Variants in ESR1 observed in about 807,000 individuals in gnomAD.
ESR1 encodes the protein estrogen receptor 1.
Under a neutral mutation model 52.7 loss-of-function variants are expected in ESR1, and 12 were observed. The ratio of observed to expected loss-of-function variants is 0.23; its 90% CI spans 0.15 to 0.37. The LOEUF (loss-of-function observed/expected upper bound fraction) is 0.37. ESR1 is among the 10% of genes least tolerant of loss of function. The pLI is 1.00. For missense variants in ESR1, 584 were observed against 779.7 expected, an observed-to-expected ratio of 0.75 and a Z score of 2.99; for synonymous variants, 305 against 316.8, an observed-to-expected ratio of 0.96 and a Z score of 0.39.
intron 5 of ESR1, among the ~76,000 whole-genome samples, chr6:152,029,474 A>G (rs2044473757): frequency 6.6e-6 from 1 of 152,246 alleles, no homozygotes; most frequent in Non-Finnish European, 1.5e-5. Flanking sequence ...CAACCAAGGC[A>G]CAAGAACTAT....
chr6:152,106,798 G>T (rs1467322859), downstream of ESR1, among the ~76,000 whole-genome samples: 2 of 152,044 alleles, frequency 1.3e-5, no homozygotes, highest in Non-Finnish European at 2.9e-5. Flanking sequence ...TAGAGATGAG[G>T]TCTCATTATG....
At chr6:151,911,720 G>T (rs1372805483) in intron 3 of ESR1, among the ~76,000 whole-genome samples, 1 of 152,154 alleles carries the variant, frequency 6.6e-6, no homozygotes, top group Non-Finnish European at 1.5e-5. Flanking sequence ...TCTGATTTTA[G>T]AAATGACCAT....
At chr6:151,829,426 T>C (rs946989431) in intron 1 of ESR1, among the ~76,000 whole-genome samples, 3 of 151,846 alleles carry the variant, frequency 2.0e-5, no homozygotes, top group Non-Finnish European at 4.4e-5. Context: ...AGAAAAGTGA[T>C]TTTTTTTGTG....
chr6:151,988,665 A>G (rs111978696), intron 4 of ESR1, among the ~76,000 whole-genome samples: 92 of 152,224 alleles, frequency 6.0e-4, no homozygotes, highest in African/African-American at 2.0e-3. Context: ...AATCTATACA[A>G]CAAACCCCCA....
chr6:151,657,919 T>C (rs1159804163), intron 1 of ESR1, among the ~76,000 whole-genome samples: 1 of 152,216 alleles, frequency 6.6e-6, no homozygotes, highest in African/African-American at 2.4e-5. Flanking sequence ...ACCAGAGTTG[T>C]TCACTCTTTT....
intron 2 of ESR1, among the ~76,000 whole-genome samples, chr6:151,770,823 C>G (rs7764438): frequency 0.012 from 1,832 of 151,920 alleles, 39 homozygotes; most frequent in African/African-American, 0.041. Context: ...AGAAATCTAC[C>G]TAATCTATCA....
At chr6:151,870,841 A>T (rs994052486) in intron 2 of ESR1, among the ~76,000 whole-genome samples, 2 of 150,890 alleles carry the variant, frequency 1.3e-5, no homozygotes, top group Non-Finnish European at 2.9e-5. Flanking sequence ...CTACATCTTC[A>T]GCTTCTTCTT....
intron 5 of ESR1, among the ~76,000 whole-genome samples, chr6:152,014,587 T>C (rs2043026344): frequency 6.6e-6 from 1 of 152,150 alleles, no homozygotes; most frequent in African/African-American, 2.4e-5. Flanking sequence ...CTAGAAGCTT[T>C]AAGTTACCCA....
At chr6:151,815,556 C>A (rs914064763) in intron 1 of ESR1, among the ~76,000 whole-genome samples, 2 of 152,146 alleles carry the variant, frequency 1.3e-5, no homozygotes, top group African/African-American at 2.4e-5. Context: ...AGGAAGGGAT[C>A]CTTAGATGCC....
In ESR1 at chr6:152,102,661, G is replaced by C; in HGVS notation, c.*3695G>C. 4.5e-6 allele frequency: 1 copy of C among 220,458 alleles called. No individual in the cohort carries two copies. The highest frequency in any genetic ancestry group is 2.2e-5 in the African/African-American group (1 of 44,686). The allele number at this position is 220,458 out of a possible 1,614,324, so 13.7% of individuals were successfully genotyped here. A position where few individuals can be genotyped will look rare whatever the true frequency, so the allele number is the denominator to read the frequency against. ...GCATTTCCTTTCCAATTGAATTAAA[G>C]TGTGGCCTCGTTTTTAGTCATTTAA... is the stretch of plus-strand genomic sequence containing the variant. On this transcript the variant is annotated 3_prime_UTR_variant, in exon 8 of 8. Coordinates refer to ENST00000206249, the MANE Select transcript of ESR1 (RefSeq NM_000125.4).
At chr6:151,879,916 A>G (rs183571393) in intron 2 of ESR1, among the ~76,000 whole-genome samples, 201 of 152,252 alleles carry the variant, frequency 1.3e-3, no homozygotes, top group Admixed American at 2.4e-3. Context: ...CTTAAATTAT[A>G]TTTTAAGAAG....
chr6:151,949,072 C>T (rs117638695), intron 4 of ESR1, among the ~76,000 whole-genome samples: 1 of 152,270 alleles, frequency 6.6e-6, no homozygotes, highest in East Asian at 1.9e-4. Context: ...TCTCCTTTTT[C>T]CTCTCCTCAA....
intron 3 of ESR1, among the ~76,000 whole-genome samples, chr6:151,908,605 G>A (rs766351443): frequency 5.3e-5 from 8 of 152,170 alleles, no homozygotes; most frequent in South Asian, 2.1e-4. Flanking sequence ...AAACTGAAGC[G>A]TGGATAATTG....
intron 5 of ESR1, among the ~76,000 whole-genome samples, chr6:152,014,169 CTG>C (rs1337302121): frequency 6.6e-6 from 1 of 152,170 alleles, no homozygotes; most frequent in Non-Finnish European, 1.5e-5. Context: ...TCACAAGGAA[CTG>C]TGAGTCCATT....
chr6:151,985,351 CA>C (rs201306083), intron 4 of ESR1, among the ~76,000 whole-genome samples: 1 of 150,628 alleles, frequency 6.6e-6, no homozygotes, highest in Non-Finnish European at 1.5e-5. Flanking sequence ...ACTAAAAATA[CA>C]AAAAAATTAG....
At chr6:151,927,337 T>A (rs893767382) in intron 3 of ESR1, among the ~76,000 whole-genome samples, 4 of 152,208 alleles carry the variant, frequency 2.6e-5, no homozygotes, top group Non-Finnish European at 5.9e-5. Flanking sequence ...ATTTGGGTAT[T>A]AGGATAATTC....
chr6:151,915,963 A>T (rs190686567), intron 3 of ESR1, among the ~76,000 whole-genome samples: 3 of 152,306 alleles, frequency 2.0e-5, no homozygotes, highest in Admixed American at 6.5e-5. Flanking sequence ...TTGACATTTG[A>T]TAAACAAGCT....
At chr6:151,679,740 A>G (rs76874747) in intron 1 of ESR1, among the ~76,000 whole-genome samples, 5,220 of 152,172 alleles carry the variant, frequency 0.034, 107 homozygotes, top group Non-Finnish European at 0.052. Flanking sequence ...TGCTGGTGCC[A>G]ATTTGACTGC....
chr6:151,690,900 G>A (rs1234232483), intron 1 of ESR1, among the ~76,000 whole-genome samples: 1 of 152,140 alleles, frequency 6.6e-6, no homozygotes, highest in Admixed American at 6.5e-5. Flanking sequence ...ATTTAGCTGA[G>A]GCAGAGGGCA....
Sources: allele counts gnomAD v4.1 joint callset (sites outside exome capture counted in the v4.1 genomes callset), GRCh38; gene constraint gnomAD v4.1.1; transcripts MANE v1.5; gene names NCBI Gene and HGNC (gene_info 2026-07-23, HGNC 2026-07-21).